The following GDPD4 variants were observed in gnomAD, a reference collection of about 807,000 sequenced individuals.
GDPD4 encodes glycerophosphodiester phosphodiesterase domain containing 4, also known as glycerophosphodiester phosphodiesterase 6.
Under a neutral mutation model 67.8 loss-of-function variants are expected in GDPD4, and 60 were observed. The ratio of observed to expected loss-of-function variants is 0.88; its 90% confidence interval spans 0.72 to 1.10. The LOEUF (loss-of-function observed/expected upper bound fraction) is 1.10, where lower values mean the gene tolerates loss of function less well. Among genes scored for constraint, GDPD4 ranks in the 50% least tolerant of loss-of-function variants. The pLI is 0.00. For missense variants in GDPD4, 623 were observed against 613.9 expected, an observed-to-expected ratio of 1.01 and a Z score of -0.16; for synonymous variants, 212 against 210.9, an observed-to-expected ratio of 1.00 and a Z score of -0.04.
At chr11:77,243,908 C>G (rs1958727664) in intron 12 of GDPD4, 60 bp from the exon 13 acceptor site, 1 of 1,241,348 alleles carries the variant, frequency 8.1e-7, no homozygotes, top group African/African-American at 1.5e-5. Context: ...ACGAACAGCC[C>G]CATAGAGAAT....
chr11:77,282,619 G>T (rs958738747), intron 3 of GDPD4, among the ~76,000 whole-genome samples: 2 of 151,836 alleles, frequency 1.3e-5, no homozygotes, highest in African/African-American at 4.8e-5. Flanking sequence ...GGGAGGCAGA[G>T]GCTGCAATGA....
intron 5 of GDPD4, among the ~76,000 whole-genome samples, chr11:77,271,705 T>G (rs1959231117): frequency 1.3e-5 from 2 of 152,248 alleles, no homozygotes; most frequent in South Asian, 4.1e-4. Context: ...TGGTATCTCT[T>G]ACTCAGATTC....
At chr11:77,300,595 A>G (rs2135903072) in intron 1 of GDPD4, among the ~76,000 whole-genome samples, 1 of 151,994 alleles carries the variant, frequency 6.6e-6, no homozygotes, top group South Asian at 2.1e-4. Context: ...GTAAAAGTTG[A>G]TTAACTAGTC....
At chr11:77,236,729 A>AAAACACAC (rs372484147) in intron 13 of GDPD4, among the ~76,000 whole-genome samples, 28 of 145,388 alleles carry the variant, frequency 1.9e-4, no homozygotes, top group African/African-American at 6.9e-4. Context: ...ACAAGAAGGA[A>AAAACACAC]ACACACACAC....
At chr11:77,289,797 G>C (rs1437812912) in intron 1 of GDPD4, among the ~76,000 whole-genome samples, 1 of 116,540 alleles carries the variant, frequency 8.6e-6, no homozygotes, top group East Asian at 2.8e-4. Context: ...GAAAGAGAGA[G>C]AGAGAAGGAG....
Position 77,231,281 on chromosome 11 carries a change from T to C in GDPD4, c.1389+1744A>G, listed in dbSNP as rs570011632. Among the ~76,000 whole-genome samples the C allele has an allele frequency of 1.1e-3, 164 of 152,348 alleles. 1 individual carries two copies. The South Asian group carries it at 0.033, about 31-fold the overall frequency. ...CCAGATTATGTTGGACACAAGTGTT[T>C]CTACTGCACTATTATTATCCCCAAT... On this transcript the variant is annotated intron_variant, in intron 14 of 16. Coordinates refer to ENST00000315938, the MANE Select transcript of GDPD4 (RefSeq NM_182833.3).
At chr11:77,264,954 T>C (rs570623105) in intron 10 of GDPD4, among the ~76,000 whole-genome samples, 4 of 152,272 alleles carry the variant, frequency 2.6e-5, no homozygotes, top group African/African-American at 9.6e-5. Flanking sequence ...AGTAAAAGTA[T>C]CTGTACCAAT....
In GDPD4 at chr11:77,229,131, A is replaced by T; in HGVS notation, c.1472+19T>A. On this transcript the variant is annotated intron_variant, in intron 15 of 16. Transcript: ENST00000315938. Reference sequence around the variant, plus strand: ...ATTTATTTTGGAAAAAATTCATTTAAAATTATATATATACTTACCAGTGAA... The same window carrying T: ...ATTTATTTTGGAAAAAATTCATTTATAATTATATATATACTTACCAGTGAA... The T allele has an allele frequency of 8.2e-7, 1 of 1,225,528 alleles. No homozygotes were observed. Among genetic ancestry groups the T allele is most frequent in the Non-Finnish European group, 1.1e-6 (1 of 878,644 alleles). 75.9% of individuals were successfully genotyped at this position (1,225,528 alleles called of 1,614,324 possible).
chr11:77,285,704 TTTGA>T (rs1295921401), intron 2 of GDPD4, among the ~76,000 whole-genome samples: 7 of 152,214 alleles, frequency 4.6e-5, no homozygotes, highest in Admixed American at 4.6e-4. Flanking sequence ...GCTACTTTCA[TTTGA>T]TTTATTTCTC....
chr11:77,283,434 GA>G (rs1235516265), intron 3 of GDPD4, among the ~76,000 whole-genome samples: 1 of 152,178 alleles, frequency 6.6e-6, no homozygotes, highest in Non-Finnish European at 1.5e-5. Context: ...GATGGGGAGA[GA>G]GGCAGAAAGA....
chr11:77,252,668 G>T (rs1411279611), intron 11 of GDPD4, among the ~76,000 whole-genome samples: 1 of 152,146 alleles, frequency 6.6e-6, no homozygotes, highest in Non-Finnish European at 1.5e-5. Context: ...CTTTTCTAGA[G>T]AAAGATTTTC....
chr11:77,281,856 G>A (rs920042647), intron 3 of GDPD4, among the ~76,000 whole-genome samples: 13 of 152,124 alleles, frequency 8.5e-5, no homozygotes, highest in Admixed American at 7.2e-4. Flanking sequence ...GCTTGATGGC[G>A]TACACAGCTT....
At chr11:77,235,638 T>TA (rs1462278873) in intron 13 of GDPD4, among the ~76,000 whole-genome samples, 5 of 152,088 alleles carry the variant, frequency 3.3e-5, no homozygotes, top group Non-Finnish European at 7.4e-5. Context: ...GAGAAATCAG[T>TA]AAAAAATAAT....
intron 13 of GDPD4, among the ~76,000 whole-genome samples, chr11:77,235,965 C>CAAAAA (rs60173558): frequency 2.5e-5 from 3 of 122,446 alleles, no homozygotes; most frequent in Admixed American, 8.1e-5. Context: ...CTATTAAAAA[C>CAAAAA]AAAAAAAAAA....
intron 2 of GDPD4, among the ~76,000 whole-genome samples, chr11:77,286,008 T>C (rs984674312): frequency 2.0e-5 from 3 of 152,200 alleles, no homozygotes; most frequent in African/African-American, 7.2e-5. Flanking sequence ...CTTAAAGTCT[T>C]TGGGGATTCT....
chr11:77,258,658 C>T (rs1959051761), intron 10 of GDPD4, 116 bp from the exon 11 acceptor site: 1 of 851,368 alleles, frequency 1.2e-6, no homozygotes, highest in Middle Eastern at 3.2e-4. Flanking sequence ...GCTCCTTACT[C>T]CCTCTCAAAT....
Position 77,301,637 on chromosome 11 carries a change from T to C in GDPD4, c.-286A>G, listed in dbSNP as rs1485145492. 1.3e-5 allele frequency: 2 copies of C among 152,188 alleles called. No homozygotes were observed. Among genetic ancestry groups the C allele is most frequent in the Admixed American group, 6.5e-5 (1 of 15,280 alleles). 9.4% of individuals were successfully genotyped at this position (152,188 alleles called of 1,614,324 possible). Reference sequence around the variant, plus strand: ...TCCCAGTCCCAACCCAAATCCAATCTTCACGCCTGAGGAGACCAGCGTCTC... The same window carrying C: ...TCCCAGTCCCAACCCAAATCCAATCCTCACGCCTGAGGAGACCAGCGTCTC... On this transcript the variant is annotated 5_prime_UTR_variant, in exon 1 of 17. Transcript: ENST00000315938.
chr11:77,276,972 G>GTC (rs1188981374), intron 4 of GDPD4, among the ~76,000 whole-genome samples: 3 of 151,944 alleles, frequency 2.0e-5, no homozygotes, highest in African/African-American at 7.3e-5. Flanking sequence ...AGGTTACATA[G>GTC]TACCTAAAGA....
intron 11 of GDPD4, among the ~76,000 whole-genome samples, chr11:77,250,424 C>CT (rs1424690031): frequency 1.3e-5 from 2 of 152,252 alleles, no homozygotes; most frequent in South Asian, 2.1e-4. Flanking sequence ...GGATTTCACT[C>CT]TTTTTTATAA....
Sources: gnomAD v4.1 joint callset for allele counts (sites outside exome capture counted in the v4.1 genomes callset) on GRCh38, gnomAD v4.1.1 for gene constraint, MANE v1.5 for transcripts, NCBI Gene and HGNC (gene_info 2026-07-23, HGNC 2026-07-21) for gene names.